MKLN1: variants seen among roughly 807,000 people sequenced by gnomAD.
MKLN1 encodes the protein muskelin.
MKLN1 carries 18 observed loss-of-function variants against 99.0 expected under a neutral mutation model. That is an observed-to-expected ratio of 0.18 (90% CI 0.13 to 0.27). MKLN1 has a LOEUF of 0.27. Among genes scored for constraint, MKLN1 ranks in the 10% least tolerant of loss-of-function variants. The pLI is 1.00. For missense variants in MKLN1, 621 were observed against 875.9 expected, an observed-to-expected ratio of 0.71 and a Z score of 3.67; for synonymous variants, 288 against 293.2, an observed-to-expected ratio of 0.98 and a Z score of 0.18.
intron 1 of MKLN1, among the ~76,000 whole-genome samples, chr7:131,130,705 TTTA>T (rs1448340770): frequency 6.6e-6 from 1 of 152,176 alleles, no homozygotes; most frequent in Admixed American, 6.5e-5. Flanking sequence ...GATGAAATGT[TTTA>T]TTATTACATT....
chr7:131,420,916 A>G (rs1174854860), intron 8 of MKLN1, among the ~76,000 whole-genome samples: 5 of 152,214 alleles, frequency 3.3e-5, no homozygotes, highest in Admixed American at 3.3e-4. Flanking sequence ...AACTGTATTC[A>G]GATACTGCTG....
At chr7:131,414,589 T>G (rs1794963225) in intron 7 of MKLN1, 56 bp from the exon 8 acceptor site, 7 of 1,222,612 alleles carry the variant, frequency 5.7e-6, no homozygotes, top group Non-Finnish European at 8.2e-6. Context: ...ATAAATTTAC[T>G]CTGGATATGC....
At chr7:131,331,257 C>A (rs1300572893) in intron 1 of MKLN1, among the ~76,000 whole-genome samples, 1 of 152,052 alleles carries the variant, frequency 6.6e-6, no homozygotes, top group South Asian at 2.1e-4. Context: ...ATATAGTTTT[C>A]CAGAGGCTTG....
At chr7:131,279,809 AAAT>A (rs373788973) in intron 3 of MKLN1, among the ~76,000 whole-genome samples, 23 of 152,290 alleles carry the variant, frequency 1.5e-4, no homozygotes, top group African/African-American at 4.6e-4. Flanking sequence ...CCTGTCTCAA[AAAT>A]AATAATAACA....
chr7:131,258,792 G>A (rs890444951), intron 3 of MKLN1, among the ~76,000 whole-genome samples: 1 of 152,192 alleles, frequency 6.6e-6, no homozygotes, highest in Non-Finnish European at 1.5e-5. Context: ...ATGAAAAAGA[G>A]TAAGGATGGA....
chr7:131,279,119 T>G (rs1798015112), intron 3 of MKLN1, among the ~76,000 whole-genome samples: 1 of 152,186 alleles, frequency 6.6e-6, no homozygotes, highest in Admixed American at 6.5e-5. Context: ...AGGCTAGAGC[T>G]GTGACTAAGA....
chr7:131,356,285 C>A (rs1342617073), intron 1 of MKLN1, among the ~76,000 whole-genome samples: 3 of 152,032 alleles, frequency 2.0e-5, no homozygotes, highest in Non-Finnish European at 4.4e-5. Flanking sequence ...ATTAGCCTGC[C>A]TTTCCCTAGC....
chr7:131,465,294 A>G (rs1478674814), intron 14 of MKLN1, among the ~76,000 whole-genome samples: 3 of 152,138 alleles, frequency 2.0e-5, no homozygotes, highest in African/African-American at 7.2e-5. Context: ...TTCAAGTGCA[A>G]TAAATTTAGG....
rs1332190953 is a variant in MKLN1, at chr7:131,490,807, T to C, written c.*3079T>C. 6.6e-6 allele frequency: 1 copy of C among 152,592 alleles called. No homozygotes were observed. Among genetic ancestry groups the C allele is most frequent in the African/African-American group, 2.4e-5 (1 of 41,446 alleles). The allele number at this position is 152,592 out of a possible 1,614,324, so 9.5% of individuals were successfully genotyped here. A position where few individuals can be genotyped will look rare whatever the true frequency, so the allele number is the denominator to read the frequency against. On this transcript the variant is annotated 3_prime_UTR_variant, in exon 18 of 18. Transcript: ENST00000352689. Reference sequence around the variant, plus strand: ...ATAAATGGTTGGCAGCTTATTCCAGTTGATCTCTTCACATCTGCCTTAAAA... The same window carrying C: ...ATAAATGGTTGGCAGCTTATTCCAGCTGATCTCTTCACATCTGCCTTAAAA...
At chr7:131,112,364 C>G (rs1371464) in intron 1 of MKLN1, among the ~76,000 whole-genome samples, 15,585 of 152,192 alleles carry the variant, frequency 0.1, 1,162 homozygotes, top group Admixed American at 0.24. Context: ...AAGCACTGAA[C>G]CTTTAATATC....
intron 3 of MKLN1, chr7:131,243,034 G>GAAA: frequency 4.3e-6 from 2 of 465,142 alleles, no homozygotes; most frequent in Non-Finnish European, 4.1e-6. Context: ...AAATTAAACA[G>GAAA]AAAAAAAAAA....
chr7:131,180,685 T>A (rs755040807), intron 2 of MKLN1, among the ~76,000 whole-genome samples: 3 of 140,716 alleles, frequency 2.1e-5, no homozygotes, highest in Admixed American at 7.4e-5. Flanking sequence ...GGCGACAGAG[T>A]GAGACTTGGT....
intron 2 of MKLN1, among the ~76,000 whole-genome samples, chr7:131,191,826 G>A (rs1796545749): frequency 6.7e-6 from 1 of 148,310 alleles, no homozygotes; most frequent in Non-Finnish European, 1.5e-5. Context: ...CAATTCTCAT[G>A]CCTCAGCCTC....
At chr7:131,148,592 T>A (rs1296929768) in intron 2 of MKLN1, among the ~76,000 whole-genome samples, 2 of 151,918 alleles carry the variant, frequency 1.3e-5, no homozygotes, top group East Asian at 1.9e-4. Flanking sequence ...CTGGGCAACA[T>A]AGCGAGACCC....
At chr7:131,383,488 T>G (rs947504548) in intron 2 of MKLN1, among the ~76,000 whole-genome samples, 1 of 152,080 alleles carries the variant, frequency 6.6e-6, no homozygotes, top group Admixed American at 6.6e-5. Context: ...CATGAATGAA[T>G]CCAGCAGCTA....
At chr7:131,274,680 T>A (rs998548127) in intron 3 of MKLN1, among the ~76,000 whole-genome samples, 5 of 149,566 alleles carry the variant, frequency 3.3e-5, no homozygotes, top group Non-Finnish European at 1.5e-5. Flanking sequence ...GAGATGAGAT[T>A]GCTGCCTCAG....
chr7:131,244,667 G>A (rs535026009), intron 3 of MKLN1, among the ~76,000 whole-genome samples: 9 of 152,282 alleles, frequency 5.9e-5, no homozygotes, highest in South Asian at 2.1e-4. Flanking sequence ...CAGTGACGAC[G>A]GTGATGACGG....
intron 3 of MKLN1, among the ~76,000 whole-genome samples, chr7:131,231,722 T>A (rs1797246970): frequency 6.6e-6 from 1 of 152,112 alleles, no homozygotes; most frequent in South Asian, 2.1e-4. Flanking sequence ...AAAACAAAAG[T>A]AGATATTCAG....
intron 3 of MKLN1, among the ~76,000 whole-genome samples, chr7:131,270,925 T>C (rs190615027): frequency 1.3e-5 from 2 of 152,256 alleles, no homozygotes; most frequent in Admixed American, 6.5e-5. Context: ...TTTAGGATAA[T>C]CATTCATTGA....
Sources: gnomAD v4.1 joint callset for allele counts (sites outside exome capture counted in the v4.1 genomes callset) on GRCh38, gnomAD v4.1.1 for gene constraint, MANE v1.5 for transcripts, NCBI Gene and HGNC (gene_info 2026-07-23, HGNC 2026-07-21) for gene names.